Variants in VWA5B1 observed in about 807,000 individuals in gnomAD.
The protein encoded by VWA5B1 is von Willebrand factor A domain-containing protein 5B1.
VWA5B1 carries 115 observed loss-of-function variants against 118.2 expected under a neutral mutation model. The ratio of observed to expected loss-of-function variants is 0.97; its 90% CI spans 0.84 to 1.14. The LOEUF (loss-of-function observed/expected upper bound fraction) is 1.14, where lower values mean the gene tolerates loss of function less well. Ranked by LOEUF, VWA5B1 falls within the 50% of genes most tolerant of loss-of-function variation. The pLI, the probability that VWA5B1 is intolerant of heterozygous loss-of-function variation, is 0.00. For synonymous variants in VWA5B1, 682 were observed against 658.4 expected (o/e 1.04, Z -0.55); for missense variants, 1,596 against 1,603.8 (o/e 1.00, Z 0.08).
At position 20,319,470 on chromosome 1, in the gene VWA5B1, T is replaced by C; in HGVS notation, c.930T>C (p.Ile310=). ...DQHLKGRTDF[I]KGMKKKSRAE... ...ACTTGAAGGGAAGAACAGATTTCAT[T>C]AAAGGGATGAAGAAGAAGAGCAGAG... Residue 310 remains isoleucine, a synonymous_variant, in exon 7 of 22, where the codon ATT becomes ATC. Coordinates refer to ENST00000289815, the MANE Select transcript of VWA5B1 (RefSeq NM_001039500.3). 1 of 1,551,598 alleles carries C rather than the reference T, an allele frequency of 6.4e-7. No individual in the cohort carries two copies. The highest frequency in any genetic ancestry group is 1.2e-5 in the South Asian group (1 of 84,046).
At chr1:20,291,351 T>TCTCTCTCTCTCTCTCTCTC (rs1557821867) in intron 1 of VWA5B1, among the ~76,000 whole-genome samples, 1 of 103,026 alleles carries the variant, frequency 9.7e-6, no homozygotes, top group Non-Finnish European at 1.8e-5. Flanking sequence ...CTTTCTTTCT[T>TCTCTCTCTCTCTCTCTCTC]TCTTTCTTTC....
At chr1:20,343,848 GC>G (rs1272994352) in intron 16 of VWA5B1, among the ~76,000 whole-genome samples, 1 of 59,286 alleles carries the variant, frequency 1.7e-5, no homozygotes, top group Non-Finnish European at 3.0e-5. Context: ...CCCACTGCCC[GC>G]CCACTCGCCT....
intron 9 of VWA5B1, among the ~76,000 whole-genome samples, chr1:20,329,854 A>G (rs997837641): frequency 6.6e-6 from 1 of 151,912 alleles, no homozygotes; most frequent in Non-Finnish European, 1.5e-5. Flanking sequence ...CACACCACCC[A>G]CCTCCCTCAT....
chr1:20,327,888 A>G lies in VWA5B1; in HGVS notation c.1144-2A>G, dbSNP rs1557852646. Reference sequence around the variant, plus strand: ...CCTGAAAACCCCTTTCTCTCCTGCCAGGATGCCATGTTGGTGGCCCTTAAG... The same window carrying G: ...CCTGAAAACCCCTTTCTCTCCTGCCGGGATGCCATGTTGGTGGCCCTTAAG... On this transcript the variant is annotated splice_acceptor_variant, in intron 8 of 21. Transcript: ENST00000289815. LOFTEE classifies it high-confidence loss of function. The G allele has an allele frequency of 2.6e-6, 4 of 1,551,506 alleles. No homozygotes were observed. The highest frequency in any genetic ancestry group is 3.5e-6 in the Non-Finnish European group (4 of 1,146,872).
At chr1:20,328,045 G>T in intron 9 of VWA5B1, 45 bp downstream of exon 9, 2 of 1,518,668 alleles carry the variant, frequency 1.3e-6, no homozygotes, top group South Asian at 1.2e-5. Context: ...GTGCATGGTG[G>T]GGAGCAGAGG....
chr1:20,308,039 C>T (rs140539022), intron 1 of VWA5B1, among the ~76,000 whole-genome samples: 218 of 152,200 alleles, frequency 1.4e-3, no homozygotes, highest in African/African-American at 5.0e-3. Flanking sequence ...CTTCCCTCCC[C>T]GACCAGTAGT....
intron 17 of VWA5B1, among the ~76,000 whole-genome samples, chr1:20,347,441 CTTCT>C (rs1338764678): frequency 1.3e-5 from 2 of 149,220 alleles, no homozygotes; most frequent in African/African-American, 5.1e-5. Flanking sequence ...CTTTCTTCTT[CTTCT>C]TTTTTTTTTT....
At chr1:20,291,993 C>T (rs2088316419) in intron 1 of VWA5B1, among the ~76,000 whole-genome samples, 1 of 152,226 alleles carries the variant, frequency 6.6e-6, no homozygotes, top group Non-Finnish European at 1.5e-5. Flanking sequence ...CCTTTCCCTC[C>T]TCCCTTCTGA....
rs1206037095 is a variant in VWA5B1 at position 20,312,892 on chromosome 1, A to G, written c.196A>G (p.Ile66Val). The change falls in exon 3 of 22, where the codon ATT (isoleucine) becomes GTT (valine). Residue 66 changes from isoleucine to valine, a missense_variant. By Grantham distance (29) the Ile-to-Val change is conservative. Transcript: ENST00000289815. ...CACGGTGATCGGCTTTGAGGCAGTC[A>G]TTGCCGACCGTGTCGTGACAGTACA... is the stretch of plus-strand genomic sequence containing the variant. The part of the protein sequence containing the change: ...CTTVIGFEAV[I>V]ADRVVTVQIK... The G allele has an allele frequency of 1.9e-6, 3 of 1,551,702 alleles. No individual in the cohort carries two copies. The highest frequency in any genetic ancestry group is 1.4e-5 in the African/African-American group (1 of 73,192).
intron 20 of VWA5B1, 93 bp from the exon 21 acceptor site, chr1:20,351,962 T>C: frequency 1.1e-6 from 1 of 891,934 alleles, no homozygotes; most frequent in South Asian, 1.7e-5. Context: ...GAGGGAGCCA[T>C]CTATTGCATT....
chr1:20,297,506 AGAG>A (rs2088427503), intron 1 of VWA5B1, among the ~76,000 whole-genome samples: 1 of 152,254 alleles, frequency 6.6e-6, no homozygotes, highest in Admixed American at 6.5e-5. Flanking sequence ...CCACGCACCC[AGAG>A]GAGGAGAAGG....
At position 20,327,528 on chromosome 1, in the gene VWA5B1, C is replaced by T. The variant is rs2089421168; in HGVS notation, c.1144-362C>T. Among the ~76,000 whole-genome samples, 4 of 152,230 alleles carry T rather than the reference C, an allele frequency of 2.6e-5. No individual in the cohort carries two copies. The South Asian group carries it at 8.3e-4, about 32-fold the overall frequency. The stretch of plus-strand genomic sequence containing the variant: ...GCTTTGGCAGCAGGGAGAGGGTGCT[C>T]CCTGCTCTCCCCACCTCTCAGGATC... On this transcript the variant is annotated intron_variant, in intron 8 of 21. Transcript: ENST00000289815.
chr1:20,348,446 C>T lies in VWA5B1; in HGVS notation c.2878+88C>T, dbSNP rs983953755. 4.5e-6 allele frequency: 6 copies of T among 1,338,474 alleles called. No homozygotes were observed. The Admixed American group carries it at 1.2e-4, about 26-fold the overall frequency. 82.9% of individuals were successfully genotyped at this position (1,338,474 alleles called of 1,614,324 possible). A position where few individuals can be genotyped will look rare whatever the true frequency, so the allele number is the denominator to read the frequency against. On this transcript the variant is annotated intron_variant, in intron 18 of 21. Coordinates refer to ENST00000289815, the MANE Select transcript of VWA5B1 (RefSeq NM_001039500.3). Reference sequence around the variant, plus strand: ...TTACCGCGTCCTCCTGTCCGAGGCCCTAGGACCACTCTCTGAGTCTGCACT... The same window carrying T: ...TTACCGCGTCCTCCTGTCCGAGGCCTTAGGACCACTCTCTGAGTCTGCACT...
At position 20,324,993 on chromosome 1, in the gene VWA5B1, G is replaced by A. The variant is rs61770713; in HGVS notation, c.1143+1461G>A. Among the ~76,000 whole-genome samples the A allele has an allele frequency of 7.5e-3, 1,137 of 152,244 alleles. 5 individuals carry two copies. The highest frequency in any genetic ancestry group is 0.01 in the Non-Finnish European group (692 of 68,006). On this transcript the variant is annotated intron_variant, in intron 8 of 21. Coordinates refer to ENST00000289815, the MANE Select transcript of VWA5B1 (RefSeq NM_001039500.3). The stretch of plus-strand genomic sequence containing the variant: ...TCCCGTTCCGCATCTTTATCAGTTC[G>A]TAAGATGTCTCAGTTACCCTAGAGC...
intron 2 of VWA5B1, 29 bp from the exon 3 acceptor site, chr1:20,312,806 AC>A: frequency 2.0e-6 from 3 of 1,531,698 alleles, no homozygotes; most frequent in Middle Eastern, 3.4e-4. Context: ...GGCCTGGGGC[AC>A]CCCGTGATGC....
Position 20,342,432 on chromosome 1 carries a change from C to T in VWA5B1, c.2134C>T (p.Pro712Ser). Residue 712 changes from proline (P) to serine (S), a missense_variant and splice_region_variant, in exon 15 of 22, where the codon CCC becomes TCC. Pro to Ser is a moderately conservative substitution (Grantham distance 74, BLOSUM62 -1). Coordinates refer to ENST00000289815, the MANE Select transcript of VWA5B1 (RefSeq NM_001039500.3). Reference sequence around the variant, plus strand: ...TCTCTTTCTCCTCTTCCATCCCTAGCCCTTGCTGAACAGTGGTCAGGACCT... The same window carrying T: ...TCTCTTTCTCCTCTTCCATCCCTAGTCCTTGCTGAACAGTGGTCAGGACCT... ...DVQRWQIDLQ[P>S]LLNSGQDLNQ... The T allele has an allele frequency of 1.3e-6, 2 of 1,550,710 alleles. No individual in the cohort carries two copies. Among genetic ancestry groups the T allele is most frequent in the Non-Finnish European group, 1.7e-6 (2 of 1,146,770 alleles).
rs2089418029 is a variant in VWA5B1, at chr1:20,327,409, G to A, written c.1144-481G>A. On this transcript the variant is annotated intron_variant, in intron 8 of 21. Coordinates refer to ENST00000289815, the MANE Select transcript of VWA5B1 (RefSeq NM_001039500.3). ...GTGTCCTTAGTGATGGTTAGGTTGA[G>A]TCTGATGCAGAAGGTCCCACAGGAG... is the stretch of plus-strand genomic sequence containing the variant. 1.3e-5 allele frequency among the ~76,000 whole-genome samples: 2 copies of A among 152,170 alleles called. 1 individual carries two copies. Among genetic ancestry groups the A allele is most frequent in the South Asian group, 4.1e-4 (2 of 4,828 alleles).
intron 4 of VWA5B1, among the ~76,000 whole-genome samples, chr1:20,317,034 T>A (rs936276382): frequency 6.6e-6 from 1 of 151,428 alleles, no homozygotes; most frequent in Non-Finnish European, 1.5e-5. Context: ...CGGGCACCTG[T>A]AGTCCCAGCT....
Position 20,342,423 on chromosome 1 carries a change from C to A in VWA5B1, c.2134-9C>A. ...CCTCCTCTTTCTCTTTCTCCTCTTC[C>A]ATCCCTAGCCCTTGCTGAACAGTGG... is the stretch of plus-strand genomic sequence containing the variant. On this transcript the variant is annotated splice_polypyrimidine_tract_variant and intron_variant, in intron 14 of 21. Coordinates refer to ENST00000289815, the MANE Select transcript of VWA5B1 (RefSeq NM_001039500.3). 1 of 1,549,522 alleles carries A rather than the reference C, an allele frequency of 6.5e-7. No individual in the cohort carries two copies.
Sources: gnomAD v4.1 joint callset for allele counts (sites outside exome capture counted in the v4.1 genomes callset) on GRCh38, gnomAD v4.1.1 for gene constraint, MANE v1.5 for transcripts, NCBI Gene and HGNC (gene_info 2026-07-23, HGNC 2026-07-21) for gene names.